The following TMEM117 variants were observed in gnomAD, a reference collection of about 807,000 sequenced individuals.
TMEM117 encodes the protein transmembrane protein 117.
In TMEM117, 27 loss-of-function variants were observed where a neutral mutation model predicts 52.4. That is an observed-to-expected ratio of 0.51 (90% confidence interval 0.38 to 0.71). TMEM117 has a LOEUF of 0.71. Among genes scored for constraint, TMEM117 ranks in the 30% least tolerant of loss-of-function variants. TMEM117 has a pLI of 0.00. For missense variants in TMEM117, 556 were observed against 630.5 expected (o/e 0.88, Z 1.26); for synonymous variants, 215 against 206.3 (o/e 1.04, Z -0.36).
the TMEM117 span, among the ~76,000 whole-genome samples, chr12:43,812,755 C>T: frequency 6.6e-6 from 1 of 150,944 alleles, no homozygotes; most frequent in Non-Finnish European, 1.5e-5. Flanking sequence ...CCTGTAATCG[C>T]AGGACTTTTG....
At chr12:44,134,066 T>G (rs1948453984) in intron 3 of TMEM117, among the ~76,000 whole-genome samples, 1 of 152,200 alleles carries the variant, frequency 6.6e-6, no homozygotes, top group Non-Finnish European at 1.5e-5. Flanking sequence ...AAAATCAGGC[T>G]CCCTTTATAT....
intron 2 of TMEM117, among the ~76,000 whole-genome samples, chr12:43,917,907 G>A (rs752887297): frequency 2.0e-5 from 3 of 152,048 alleles, no homozygotes; most frequent in Non-Finnish European, 4.4e-5. Flanking sequence ...GGTTGATTTA[G>A]GTTTCTATAG....
chr12:43,929,958 A>T (rs2137577476), intron 2 of TMEM117, among the ~76,000 whole-genome samples: 1 of 152,104 alleles, frequency 6.6e-6, no homozygotes, highest in East Asian at 1.9e-4. Flanking sequence ...TGCCTAATTT[A>T]AAAAATTGAA....
intron 6 of TMEM117, among the ~76,000 whole-genome samples, chr12:44,308,342 T>A (rs1950929276): frequency 6.6e-6 from 1 of 152,198 alleles, no homozygotes; most frequent in Non-Finnish European, 1.5e-5. Context: ...AGCTTGACCA[T>A]CGCTCTGAAA....
intron 7 of TMEM117, among the ~76,000 whole-genome samples, chr12:44,381,638 A>G (rs1952022069): frequency 6.6e-6 from 1 of 152,208 alleles, no homozygotes; most frequent in African/African-American, 2.4e-5. Context: ...CTTTTGGCAA[A>G]AATGGAACAT....
chr12:44,238,258 A>C (rs1186701199), intron 5 of TMEM117, among the ~76,000 whole-genome samples: 1 of 152,152 alleles, frequency 6.6e-6, no homozygotes, highest in Admixed American at 6.6e-5. Context: ...TTTCGTGTGA[A>C]GTATCTTTAC....
At chr12:43,803,964 G>A in the TMEM117 span, among the ~76,000 whole-genome samples, 6,661 of 152,144 alleles carry the variant, frequency 0.044, 189 homozygotes, top group Middle Eastern at 0.14. Context: ...CACTCAACCA[G>A]ATTCCCTGTT....
intron 6 of TMEM117, among the ~76,000 whole-genome samples, chr12:44,375,155 G>C (rs1045079241): frequency 2.0e-5 from 3 of 152,106 alleles, no homozygotes. Flanking sequence ...TGCATCTTCT[G>C]CATCTTCTAC....
At chr12:43,966,137 T>C (rs1945481852) in intron 3 of TMEM117, among the ~76,000 whole-genome samples, 1 of 152,212 alleles carries the variant, frequency 6.6e-6, no homozygotes, top group Admixed American at 6.5e-5. Flanking sequence ...CACATTTTCT[T>C]TATCTAATCC....
Position 44,022,386 on chromosome 12 carries a change from A to T in TMEM117, c.410+78044A>T, listed in dbSNP as rs192911123. ...TCTCCTTTGAAATTCTGGCCTCATG[A>T]CTTGGGCGTCCAAAGGGGAACCTTT... On this transcript the variant is annotated intron_variant, in intron 3 of 7. Coordinates refer to ENST00000266534, the MANE Select transcript of TMEM117 (RefSeq NM_032256.3). Among the ~76,000 whole-genome samples, 412 of 152,280 alleles carry T rather than the reference A, an allele frequency of 2.7e-3. 4 individuals are homozygous for T. Among genetic ancestry groups the T allele is most frequent in the African/African-American group, 9.3e-3 (388 of 41,554 alleles).
At chr12:44,238,715 T>C (rs34378333) in intron 5 of TMEM117, among the ~76,000 whole-genome samples, 4,502 of 152,242 alleles carry the variant, frequency 0.03, 107 homozygotes, top group Admixed American at 0.043. Flanking sequence ...GGAATTCTTA[T>C]AGCATGTAAA....
At chr12:44,348,320 A>G (rs1316783335) in intron 6 of TMEM117, among the ~76,000 whole-genome samples, 3 of 151,146 alleles carry the variant, frequency 2.0e-5, no homozygotes, top group Middle Eastern at 3.5e-3. Context: ...GGGAAAAGGG[A>G]CCCATTCTAA....
At chr12:44,290,553 A>G (rs1950691835) in intron 5 of TMEM117, among the ~76,000 whole-genome samples, 1 of 152,102 alleles carries the variant, frequency 6.6e-6, no homozygotes, top group Admixed American at 6.5e-5. Flanking sequence ...TATGTATCTC[A>G]TTTTTATGCC....
chr12:43,918,941 T>C (rs1944648884), intron 2 of TMEM117, among the ~76,000 whole-genome samples: 1 of 152,230 alleles, frequency 6.6e-6, no homozygotes, highest in South Asian at 2.1e-4. Context: ...AATTATCTAC[T>C]ATATACTCTG....
chr12:43,864,975 C>A (rs1388113283), intron 2 of TMEM117, among the ~76,000 whole-genome samples: 1 of 152,096 alleles, frequency 6.6e-6, no homozygotes, highest in African/African-American at 2.4e-5. Context: ...CCAGACCCGC[C>A]ACCTTAAGAG....
chr12:43,879,551 A>C (rs754197411), intron 2 of TMEM117, among the ~76,000 whole-genome samples: 3 of 152,140 alleles, frequency 2.0e-5, no homozygotes, highest in African/African-American at 4.8e-5. Flanking sequence ...GTAGAGGTAC[A>C]AGTTGTGCCT....
chr12:43,809,373 T>C, the TMEM117 span, among the ~76,000 whole-genome samples: 7 of 152,328 alleles, frequency 4.6e-5, no homozygotes, highest in East Asian at 1.3e-3. Flanking sequence ...TGTATGACCA[T>C]GAACAACATT....
chr12:44,218,238 A>C (rs1277129106), intron 5 of TMEM117, among the ~76,000 whole-genome samples: 1 of 151,924 alleles, frequency 6.6e-6, no homozygotes, highest in East Asian at 1.9e-4. Context: ...AACAAAAAAC[A>C]AAAAACTAGC....
chr12:44,226,527 A>C lies in TMEM117; in HGVS notation c.608+15140A>C, dbSNP rs568382038. On this transcript the variant is annotated intron_variant, in intron 5 of 7. Transcript: ENST00000266534. ...TGTGTGTGTGTGTGTGTGTGTGTAC[A>C]CATATAATATACATGTTGTTATGGG... is the stretch of plus-strand genomic sequence containing the variant. 3.8e-5 allele frequency among the ~76,000 whole-genome samples: 5 copies of C among 130,552 alleles called. No homozygotes were observed. The East Asian group carries it at 8.3e-4, about 22-fold the overall frequency. 85.6% of individuals were successfully genotyped at this position (130,552 alleles called of 152,430 possible).
Sources: allele counts gnomAD v4.1 joint callset (sites outside exome capture counted in the v4.1 genomes callset), GRCh38; gene constraint gnomAD v4.1.1; transcripts MANE v1.5; gene names NCBI Gene and HGNC (gene_info 2026-07-23, HGNC 2026-07-21).